The following PDE6A variants were observed in gnomAD, a reference collection of about 807,000 sequenced individuals.
The protein encoded by PDE6A is rod cGMP-specific 3',5'-cyclic phosphodiesterase subunit alpha.
A neutral mutation model predicts 106.3 loss-of-function variants in PDE6A; 84 were observed. The ratio of observed to expected loss-of-function variants is 0.79; its 90% CI spans 0.66 to 0.95. The LOEUF is 0.95. Among genes scored for constraint, PDE6A ranks in the 40% least tolerant of loss-of-function variants. PDE6A has a pLI of 0.00. For synonymous variants in PDE6A, 394 were observed against 386.6 expected, an observed-to-expected ratio of 1.02 and a Z score of -0.23; for missense variants, 1,052 against 1,084.9, an observed-to-expected ratio of 0.97 and a Z score of 0.43.
At chr5:149,871,319 C>T (rs952608394) in intron 17 of PDE6A, among the ~76,000 whole-genome samples, 8 of 152,136 alleles carry the variant, frequency 5.3e-5, no homozygotes, top group Non-Finnish European at 1.2e-4. Context: ...TGGGGAATTG[C>T]ACATTTATCC....
At chr5:149,884,378 GTA>G (rs1187820889) in intron 16 of PDE6A, 99 bp downstream of exon 16, 73 of 737,494 alleles carry the variant, frequency 9.9e-5, no homozygotes, top group African/African-American at 1.8e-4. Flanking sequence ...ATATATGTGT[GTA>G]TATATATGTG....
Position 149,863,394 on chromosome 5 carries a change from G to A in PDE6A, c.2359-128C>T, listed in dbSNP as rs576138752. The A allele has an allele frequency of 9.0e-6, 8 of 886,406 alleles. No homozygotes were observed. Among genetic ancestry groups the A allele is most frequent in the Middle Eastern group, 6.1e-4 (2 of 3,266 alleles). The allele number at this position is 886,406 out of a possible 1,614,324, so 54.9% of individuals were successfully genotyped here. A position where few individuals can be genotyped will look rare whatever the true frequency, so the allele number is the denominator to read the frequency against. Reference sequence around the variant, plus strand: ...TCGGAGTAGCAGGCCTCCCGCCACCGTGCTGATACTGCAGGGCCTCCGGTC... The same window carrying A: ...TCGGAGTAGCAGGCCTCCCGCCACCATGCTGATACTGCAGGGCCTCCGGTC... On this transcript the variant is annotated intron_variant, in intron 20 of 21. Coordinates refer to ENST00000255266, the MANE Select transcript of PDE6A (RefSeq NM_000440.3). This position sits in a 1 kb window ranked among gnomAD's most constrained non-coding sequence, Gnocchi z 4.7.
rs149945348 is a variant in PDE6A at position 149,944,478 on chromosome 5, G to A, written c.196C>T (p.Arg66Trp). ...EESEIIFDLL[R>W]DFQENLQTEK... ...GTCTGTAAATTCTCCTGAAAGTCCC[G>A]CAGGAGATCAAAGATGATTTCGCTC... is the stretch of plus-strand genomic sequence containing the variant. Residue 66 changes from arginine to tryptophan, a missense_variant, in exon 1 of 22, where the codon CGG becomes TGG. Physicochemically the swap from Arg to Trp is moderately radical, Grantham distance 101 (BLOSUM62 -3). This residue lies in a region of PDE6A where 913 missense variants were observed against 915.2 expected (regional missense o/e 1.00). Transcript: ENST00000255266. 2.3e-4 allele frequency: 365 copies of A among 1,613,952 alleles called. No homozygotes were observed. The highest frequency in any genetic ancestry group is 4.9e-4 in the Middle Eastern group (3 of 6,080).
At chr5:149,874,055 A>G (rs950670629) in intron 17 of PDE6A, among the ~76,000 whole-genome samples, 1 of 151,682 alleles carries the variant, frequency 6.6e-6, no homozygotes, top group Non-Finnish European at 1.5e-5. Context: ...ATTGGTGTGG[A>G]CCTCCCACCA....
At chr5:149,902,697 C>T (rs983584829) in intron 8 of PDE6A, among the ~76,000 whole-genome samples, 1 of 151,750 alleles carries the variant, frequency 6.6e-6, no homozygotes, top group Non-Finnish European at 1.5e-5. Context: ...TGGCGGGCGC[C>T]TGTAGTTCCA....
intron 10 of PDE6A, among the ~76,000 whole-genome samples, chr5:149,897,045 C>G (rs1752782848): frequency 6.6e-6 from 1 of 152,208 alleles, no homozygotes; most frequent in South Asian, 2.1e-4. Flanking sequence ...AATAAACATA[C>G]TTAACTGGTG....
At chr5:149,870,099 C>T (rs1294026350) in intron 17 of PDE6A, among the ~76,000 whole-genome samples, 4 of 151,898 alleles carry the variant, frequency 2.6e-5, no homozygotes, top group South Asian at 4.2e-4. Context: ...GATTAACCTG[C>T]GCAAAATAGT....
At chr5:149,869,495 A>G (rs747956934) in intron 17 of PDE6A, among the ~76,000 whole-genome samples, 32 of 152,212 alleles carry the variant, frequency 2.1e-4, no homozygotes, top group Non-Finnish European at 4.0e-4. Context: ...ACACGGACAA[A>G]GAACTGGAGC....
intron 4 of PDE6A, among the ~76,000 whole-genome samples, chr5:149,925,706 CAAAAA>C (rs36003503): frequency 9.8e-6 from 1 of 102,198 alleles, no homozygotes. Flanking sequence ...GACTCTGTCT[CAAAAA>C]AAAAAAAAAA....
chr5:149,908,114 A>T (rs1320692845), intron 6 of PDE6A, among the ~76,000 whole-genome samples: 1 of 152,230 alleles, frequency 6.6e-6, no homozygotes, highest in Non-Finnish European at 1.5e-5. Flanking sequence ...CAACTCATTT[A>T]GATGGCACTG....
At chr5:149,915,742 A>T (rs1370983625) in intron 5 of PDE6A, among the ~76,000 whole-genome samples, 2 of 152,228 alleles carry the variant, frequency 1.3e-5, no homozygotes, top group African/African-American at 4.8e-5. Flanking sequence ...GCCAGGGGGC[A>T]AAAAAGTACT....
intron 10 of PDE6A, among the ~76,000 whole-genome samples, chr5:149,898,077 A>AC (rs1374179657): frequency 6.6e-6 from 1 of 152,064 alleles, no homozygotes; most frequent in Non-Finnish European, 1.5e-5. Context: ...CCAACATCTG[A>AC]CCCCAAGAAT....
chr5:149,915,709 C>A (rs1753529494), intron 5 of PDE6A, among the ~76,000 whole-genome samples: 1 of 152,118 alleles, frequency 6.6e-6, no homozygotes, highest in South Asian at 2.1e-4. Flanking sequence ...TTTTGTCATA[C>A]CCAAATAAAA....
Position 149,861,203 on chromosome 5 carries a change from A to T in PDE6A, c.2507-232T>A, listed in dbSNP as rs1057243316. ...AAGTGAGAACCAGTACTCGGCACCA[A>T]TGTCTGGGAGACCAGGGGAGCTGTG... On this transcript the variant is annotated intron_variant, in intron 21 of 21. Transcript: ENST00000255266. 1.2e-4 allele frequency among the ~76,000 whole-genome samples: 19 copies of T among 152,246 alleles called. 1 individual carries two copies. Among genetic ancestry groups the T allele is most frequent in the Non-Finnish European group, 1.5e-5 (1 of 68,040 alleles).
At chr5:149,937,873 T>C (rs1754229144) in intron 1 of PDE6A, among the ~76,000 whole-genome samples, 1 of 152,202 alleles carries the variant, frequency 6.6e-6, no homozygotes, top group South Asian at 2.1e-4. Flanking sequence ...CCCTGCCAAA[T>C]AGAACTGCCA....
rs116193182 is a variant in PDE6A at position 149,942,053 on chromosome 5, C to T, written c.474+2147G>A. 8.9e-3 allele frequency among the ~76,000 whole-genome samples: 1,355 copies of T among 152,222 alleles called. 8 individuals are homozygous for T. The highest frequency in any genetic ancestry group is 0.016 in the Non-Finnish European group (1,076 of 67,994). On this transcript the variant is annotated intron_variant, in intron 1 of 21. Coordinates refer to ENST00000255266, the MANE Select transcript of PDE6A (RefSeq NM_000440.3). ...CATGGCTCACTGCAGCCTCAACCTC[C>T]TGGGCTCAAGTGATGCTCCCATCTC... is the stretch of plus-strand genomic sequence containing the variant.
At chr5:149,933,632 T>C (rs1168344124) in intron 3 of PDE6A, among the ~76,000 whole-genome samples, 1 of 152,194 alleles carries the variant, frequency 6.6e-6, no homozygotes, top group Admixed American at 6.5e-5. Flanking sequence ...ACCATAATCA[T>C]CCCTATTTTT....
intron 4 of PDE6A, among the ~76,000 whole-genome samples, chr5:149,927,233 A>G (rs551381009): frequency 6.6e-6 from 1 of 152,288 alleles, no homozygotes; most frequent in African/African-American, 2.4e-5. Context: ...TACACCTATA[A>G]AGGGCACTTA....
Position 149,884,844 on chromosome 5 carries a change from A to C in PDE6A, c.1862T>G (p.Leu621Arg). Residue 621 changes from leucine to arginine, a missense_variant, in exon 15 of 22, where the codon CTC becomes CGC. Leu to Arg is a moderately radical substitution (Grantham distance 102, BLOSUM62 -2). Coordinates refer to ENST00000255266, the MANE Select transcript of PDE6A (RefSeq NM_000440.3). ...QMKSQNPLAK[L>R]HGSSILERHH... Reference sequence around the variant, plus strand: ...TCTTTCCAAGATAGAGGACCCATGGAGCTTGGCCAGTGGGTTCTGGGATCT... The same window carrying C: ...TCTTTCCAAGATAGAGGACCCATGGCGCTTGGCCAGTGGGTTCTGGGATCT... 6.2e-7 allele frequency: 1 copy of C among 1,614,060 alleles called. No homozygotes were observed. The highest frequency in any genetic ancestry group is 8.5e-7 in the Non-Finnish European group (1 of 1,179,922).
Sources: gnomAD v4.1 joint callset for allele counts (sites outside exome capture counted in the v4.1 genomes callset) on GRCh38, gnomAD v4.1.1 for gene constraint, gnomAD v4.1.1 regional missense constraint, Gnocchi (gnomAD v3.1) non-coding constraint, MANE v1.5 for transcripts, NCBI Gene and HGNC (gene_info 2026-07-23, HGNC 2026-07-21) for gene names.